The following NKAIN2 variants were observed in gnomAD, a reference collection of about 807,000 sequenced individuals.
NKAIN2 encodes sodium/potassium-transporting ATPase subunit beta-1-interacting protein 2.
Under a neutral mutation model 32.6 loss-of-function variants are expected in NKAIN2, and 14 were observed. That is an observed-to-expected ratio of 0.43 (90% CI 0.28 to 0.67). NKAIN2 has a LOEUF of 0.67. NKAIN2 is among the 30% of genes least tolerant of loss of function. The pLI, the probability that NKAIN2 is intolerant of heterozygous loss-of-function variation, is 0.17. For synonymous variants in NKAIN2, 80 were observed against 87.2 expected (o/e 0.92, Z 0.46); for missense variants, 198 against 258.3 (o/e 0.77, Z 1.60).
intron 1 of NKAIN2, among the ~76,000 whole-genome samples, chr6:124,112,329 G>A (rs1038458062): frequency 6.6e-6 from 1 of 152,066 alleles, no homozygotes; most frequent in Non-Finnish European, 1.5e-5. Context: ...TTTGCCAGGT[G>A]GAGTATTATT....
chr6:124,176,730 A>G (rs538603974), intron 1 of NKAIN2, among the ~76,000 whole-genome samples: 2 of 152,144 alleles, frequency 1.3e-5, no homozygotes, highest in Non-Finnish European at 2.9e-5. Flanking sequence ...GTGCTGCTAG[A>G]TATGATAGAA....
Position 123,856,928 on chromosome 6 carries a change from AAAC to A in NKAIN2, c.54+52682_54+52684del, listed in dbSNP as rs1428633290. On this transcript the variant is annotated intron_variant, in intron 1 of 6. Coordinates refer to ENST00000368417, the MANE Select transcript of NKAIN2 (RefSeq NM_001040214.3). The stretch of plus-strand genomic sequence containing the variant: ...TTTCTGGTACCAAAAGCATACAAAC[AAAC>A]AACAACATAAGACACAGTGGGGTTG... 8.5e-5 allele frequency among the ~76,000 whole-genome samples: 13 copies of A among 152,358 alleles called. No homozygotes were observed. In the Middle Eastern group the frequency reaches 0.01, roughly 120 times the overall value.
chr6:124,165,918 G>C, intron 1 of NKAIN2, among the ~76,000 whole-genome samples: 1 of 109,000 alleles, frequency 9.2e-6, no homozygotes, highest in East Asian at 2.5e-4. Context: ...GTCTATCATT[G>C]TTGGACATTT....
intron 1 of NKAIN2, among the ~76,000 whole-genome samples, chr6:124,279,008 G>A (rs561396924): frequency 6.6e-6 from 1 of 152,098 alleles, no homozygotes; most frequent in East Asian, 1.9e-4. Context: ...GAAACACAAG[G>A]TGAAAACACA....
rs1013138791 is a variant in NKAIN2 at position 124,823,332 on chromosome 6, C to T, written c.*103C>T. 9 of 817,682 alleles carry T rather than the reference C, an allele frequency of 1.1e-5. No individual in the cohort carries two copies. Among genetic ancestry groups the T allele is most frequent in the Non-Finnish European group, 2.0e-5 (9 of 456,040 alleles). The allele number at this position is 817,682 out of a possible 1,614,324, so 50.7% of individuals were successfully genotyped here. On this transcript the variant is annotated 3_prime_UTR_variant, in exon 7 of 7. Transcript: ENST00000368417. ...AGCAAGAAGCAACTGAGTTTAAATA[C>T]ATACACGTATTAACAAAACAAATGC...
chr6:123,886,529 G>C (rs546780061), intron 1 of NKAIN2, among the ~76,000 whole-genome samples: 49 of 152,164 alleles, frequency 3.2e-4, no homozygotes, highest in African/African-American at 1.0e-3. Flanking sequence ...TTTTCATCTG[G>C]AACTATGAAT....
intron 1 of NKAIN2, among the ~76,000 whole-genome samples, chr6:123,809,363 TAA>T (rs1267118885): frequency 6.6e-6 from 1 of 152,054 alleles, no homozygotes; most frequent in African/African-American, 2.4e-5. Flanking sequence ...AATGATAGAA[TAA>T]GTACTCTATT....
At chr6:123,992,479 A>G (rs900536353) in intron 1 of NKAIN2, among the ~76,000 whole-genome samples, 2 of 152,228 alleles carry the variant, frequency 1.3e-5, no homozygotes, top group African/African-American at 4.8e-5. Context: ...GAATGAATGG[A>G]TGAAAGTATT....
intron 4 of NKAIN2, among the ~76,000 whole-genome samples, chr6:124,685,048 C>T (rs1475746409): frequency 6.6e-6 from 1 of 152,126 alleles, no homozygotes; most frequent in East Asian, 1.9e-4. Context: ...ATTGGGGTCT[C>T]ACAGAAATAC....
At chr6:124,084,725 A>G (rs1199689752) in intron 1 of NKAIN2, among the ~76,000 whole-genome samples, 1 of 152,034 alleles carries the variant, frequency 6.6e-6, no homozygotes, top group African/African-American at 2.4e-5. Flanking sequence ...ATGAATTGGC[A>G]TGTCTAGAAC....
chr6:124,195,039 C>A (rs1196462768), intron 1 of NKAIN2, among the ~76,000 whole-genome samples: 6 of 147,754 alleles, frequency 4.1e-5, no homozygotes, highest in Admixed American at 1.4e-4. Flanking sequence ...ATATAAAATG[C>A]AATTTTTTTA....
intron 2 of NKAIN2, among the ~76,000 whole-genome samples, chr6:124,349,363 C>T (rs1472774253): frequency 6.6e-6 from 1 of 152,086 alleles, no homozygotes; most frequent in Non-Finnish European, 1.5e-5. Flanking sequence ...GTTGGGTATT[C>T]TCCAGGGACC....
chr6:124,512,599 C>T (rs1350987918), intron 3 of NKAIN2, among the ~76,000 whole-genome samples: 1 of 152,156 alleles, frequency 6.6e-6, no homozygotes, highest in Non-Finnish European at 1.5e-5. Context: ...AGGTGCAGGA[C>T]TCAACTCAAA....
At position 124,658,176 on chromosome 6, in the gene NKAIN2, C is replaced by T. The variant is rs1044692402; in HGVS notation, c.274-10C>T. The T allele has an allele frequency of 5.7e-6, 9 of 1,571,414 alleles. No homozygotes were observed. The Admixed American group carries it at 1.1e-4, about 19-fold the overall frequency. On this transcript the variant is annotated splice_polypyrimidine_tract_variant and intron_variant, in intron 3 of 6. Transcript: ENST00000368417. ...AGTAATTCTCATCCTTGTAAATTGC[C>T]TTCTTGCAGGAAACAGACCTTATCC...
At chr6:124,530,578 T>TCTAC (rs1432724738) in intron 3 of NKAIN2, among the ~76,000 whole-genome samples, 7 of 152,120 alleles carry the variant, frequency 4.6e-5, no homozygotes, top group Non-Finnish European at 8.8e-5. Flanking sequence ...GTCAACTGTG[T>TCTAC]GTAGACATAT....
chr6:124,687,743 TACACACACACACACAC>T lies in NKAIN2; in HGVS notation c.474+29381_474+29396del, dbSNP rs373594549. ...ATATAATATAAATATATATGATATA[TACACACACACACACAC>T]ACACACACACACACACACACACATA... is the stretch of plus-strand genomic sequence containing the variant. On this transcript the variant is annotated intron_variant, in intron 4 of 6. Transcript: ENST00000368417. Among the ~76,000 whole-genome samples, 9 of 104,370 alleles carry T rather than the reference TACACACACACACACAC, an allele frequency of 8.6e-5. No homozygotes were observed. In the East Asian group the frequency reaches 1.1e-3, roughly 12 times the overall value. The allele number at this position is 104,370 out of a possible 152,430, so 68.5% of individuals were successfully genotyped here. A position where few individuals can be genotyped will look rare whatever the true frequency, so the allele number is the denominator to read the frequency against.
intron 1 of NKAIN2, among the ~76,000 whole-genome samples, chr6:123,940,507 A>T (rs1326396849): frequency 6.6e-6 from 1 of 152,046 alleles, no homozygotes; most frequent in African/African-American, 2.4e-5. Context: ...GGTACAGCCT[A>T]CTACACATCT....
chr6:124,067,946 G>A (rs1783270360), intron 1 of NKAIN2, among the ~76,000 whole-genome samples: 1 of 152,144 alleles, frequency 6.6e-6, no homozygotes, highest in South Asian at 2.1e-4. Context: ...TATAAGGAGA[G>A]AATGACAGTA....
intron 1 of NKAIN2, among the ~76,000 whole-genome samples, chr6:124,062,470 C>A (rs1026557430): frequency 1.3e-5 from 2 of 152,106 alleles, no homozygotes; most frequent in Non-Finnish European, 2.9e-5. Flanking sequence ...ACTCTGTTGC[C>A]CAGGCTGGAA....
Sources: gnomAD v4.1 joint callset for allele counts (sites outside exome capture counted in the v4.1 genomes callset) on GRCh38, gnomAD v4.1.1 for gene constraint, MANE v1.5 for transcripts, NCBI Gene and HGNC (gene_info 2026-07-23, HGNC 2026-07-21) for gene names.